Variants in SGSM1 observed in about 807,000 individuals in gnomAD.
SGSM1 encodes the protein small G protein signaling modulator 1.
In SGSM1, 73 loss-of-function variants were observed where a neutral mutation model predicts 133.8. The observed-to-expected ratio is 0.55, with a 90% CI of 0.45 to 0.66. SGSM1 has a LOEUF of 0.66. Ranked by LOEUF, SGSM1 falls within the 30% of genes least tolerant of loss-of-function variation. The pLI is 0.00. For missense variants in SGSM1, 1,213 were observed against 1,448.1 expected, an observed-to-expected ratio of 0.84 and a Z score of 2.64; for synonymous variants, 563 against 573.0, an observed-to-expected ratio of 0.98 and a Z score of 0.25.
intron 14 of SGSM1, 81 bp downstream of exon 14, chr22:24,879,607 A>G (rs1002982357): frequency 7.2e-7 from 1 of 1,379,938 alleles, no homozygotes; most frequent in African/African-American, 1.4e-5. Flanking sequence ...ATCAAAAGAT[A>G]CTGGCTCTGG....
At chr22:24,916,425 G>A (rs1160955607) in intron 22 of SGSM1, among the ~76,000 whole-genome samples, 1 of 152,130 alleles carries the variant, frequency 6.6e-6, no homozygotes, top group Non-Finnish European at 1.5e-5. Context: ...AGGCACGGTG[G>A]CTCACTCCTG....
intron 21 of SGSM1, among the ~76,000 whole-genome samples, chr22:24,906,702 G>A (rs992603962): frequency 6.6e-6 from 1 of 152,184 alleles, no homozygotes; most frequent in Admixed American, 6.5e-5. Flanking sequence ...GGAGGCCAAG[G>A]CGGGTGGATC....
At chr22:24,849,958 G>A (rs1930361658) in intron 4 of SGSM1, among the ~76,000 whole-genome samples, 1 of 152,002 alleles carries the variant, frequency 6.6e-6, no homozygotes, top group Non-Finnish European at 1.5e-5. Context: ...TGCTTCCCAA[G>A]GGCACTGGGG....
chr22:24,900,393 T>TTCTA (rs1403588800), intron 19 of SGSM1, among the ~76,000 whole-genome samples: 1 of 69,366 alleles, frequency 1.4e-5, no homozygotes, highest in Middle Eastern at 7.9e-3. Context: ...CTTTCTTTCT[T>TTCTA]TCTTTCTTTC....
chr22:24,879,576 T>TGCCTGC, intron 14 of SGSM1, 50 bp downstream of exon 14: 1 of 1,568,750 alleles, frequency 6.4e-7, no homozygotes. Context: ...CAGCTATTGG[T>TGCCTGC]GCCTGCTGTA....
intron 5 of SGSM1, among the ~76,000 whole-genome samples, chr22:24,854,070 T>G (rs1306332292): frequency 6.6e-6 from 1 of 152,138 alleles, no homozygotes; most frequent in Non-Finnish European, 1.5e-5. Flanking sequence ...TACCTCCCCC[T>G]GGGTCCCTCC....
At chr22:24,846,149 C>T (rs139218046) in intron 3 of SGSM1, among the ~76,000 whole-genome samples, 250 of 151,424 alleles carry the variant, frequency 1.7e-3, no homozygotes, top group African/African-American at 5.9e-3. Flanking sequence ...AGCGTACCTC[C>T]CACCTTAGCT....
chr22:24,839,170 C>T (rs111764298), intron 2 of SGSM1, among the ~76,000 whole-genome samples: 1 of 152,294 alleles, frequency 6.6e-6, no homozygotes, highest in African/African-American at 2.4e-5. Flanking sequence ...ATCCTCCCAC[C>T]TCAGCCTCTC....
intron 9 of SGSM1, among the ~76,000 whole-genome samples, chr22:24,866,688 C>T (rs1931477516): frequency 6.6e-6 from 1 of 152,216 alleles, no homozygotes; most frequent in African/African-American, 2.4e-5. Context: ...CAGGATGGGG[C>T]ATCTCTTTCC....
At chr22:24,821,327 G>A (rs779436276) in intron 2 of SGSM1, among the ~76,000 whole-genome samples, 18 of 152,336 alleles carry the variant, frequency 1.2e-4, no homozygotes, top group East Asian at 3.9e-4. Flanking sequence ...GTGAGCCATC[G>A]CGCCCAGCCT....
intron 12 of SGSM1, among the ~76,000 whole-genome samples, chr22:24,873,686 A>G (rs145249496): frequency 1.3e-5 from 2 of 152,256 alleles, no homozygotes; most frequent in African/African-American, 4.8e-5. Flanking sequence ...CCCTATCTCT[A>G]CAAAAAATTT....
At position 24,808,507 on chromosome 22, in the gene SGSM1, T is replaced by C. The variant is rs148251547; in HGVS notation, c.63+2023T>C. Among the ~76,000 whole-genome samples, 480 of 152,328 alleles carry C rather than the reference T, an allele frequency of 3.2e-3. 2 individuals are homozygous for C. Among genetic ancestry groups the C allele is most frequent in the African/African-American group, 0.011 (438 of 41,572 alleles). Reference sequence around the variant, plus strand: ...CCTTACAAAGCACCTGCTGTCTTTTTGTTCGTGGTTTAACCAGACCTACGT... The same window carrying C: ...CCTTACAAAGCACCTGCTGTCTTTTCGTTCGTGGTTTAACCAGACCTACGT... On this transcript the variant is annotated intron_variant, in intron 2 of 24. Coordinates refer to ENST00000400358, the MANE Select transcript of SGSM1 (RefSeq NM_001098497.3).
At chr22:24,890,225 G>T (rs1359301387) in intron 16 of SGSM1, among the ~76,000 whole-genome samples, 4 of 152,158 alleles carry the variant, frequency 2.6e-5, no homozygotes, top group African/African-American at 9.7e-5. Context: ...CAAAGTCCTG[G>T]GATTACAGGC....
intron 20 of SGSM1, among the ~76,000 whole-genome samples, chr22:24,903,788 A>G (rs1218657498): frequency 1.3e-5 from 2 of 152,050 alleles, no homozygotes; most frequent in African/African-American, 2.4e-5. Flanking sequence ...CCTGGCCAAC[A>G]TGGCGAAACC....
intron 20 of SGSM1, 23 bp from the exon 21 acceptor site, chr22:24,905,082 T>C (rs764710477): frequency 5.0e-6 from 8 of 1,611,142 alleles, no homozygotes; most frequent in Non-Finnish European, 5.9e-6. Context: ...GCTGCCATCA[T>C]TGGCCCCTTG....
At chr22:24,831,369 A>G (rs1245733235) in intron 2 of SGSM1, among the ~76,000 whole-genome samples, 2 of 152,188 alleles carry the variant, frequency 1.3e-5, no homozygotes, top group East Asian at 3.9e-4. Context: ...AGTTGGGGCA[A>G]AGTGGCTGGA....
chr22:24,867,297 C>T (rs1328215023), intron 10 of SGSM1, 137 bp downstream of exon 10: 3 of 741,410 alleles, frequency 4.0e-6, no homozygotes, highest in Admixed American at 2.1e-5. Context: ...CTTAGGCAAG[C>T]GACCTCACCG....
intron 22 of SGSM1, among the ~76,000 whole-genome samples, chr22:24,916,573 C>A (rs1431501816): frequency 6.6e-6 from 1 of 152,078 alleles, no homozygotes; most frequent in Non-Finnish European, 1.5e-5. Flanking sequence ...TGGCGGGCGC[C>A]TGTAATCCCA....
chr22:24,916,522 G>A (rs187196249), intron 22 of SGSM1, among the ~76,000 whole-genome samples: 2 of 152,064 alleles, frequency 1.3e-5, no homozygotes, highest in East Asian at 1.9e-4. Context: ...GTGAAACCCC[G>A]TCCGTCTCTA....
Sources: gnomAD v4.1 joint callset for allele counts (sites outside exome capture counted in the v4.1 genomes callset) on GRCh38, gnomAD v4.1.1 for gene constraint, MANE v1.5 for transcripts, NCBI Gene and HGNC (gene_info 2026-07-23, HGNC 2026-07-21) for gene names.